FABP12: variants seen among roughly 807,000 people sequenced by gnomAD.
FABP12 encodes the protein fatty acid-binding protein 12.
FABP12 carries 19 observed loss-of-function variants against 13.7 expected under a neutral mutation model. That is an observed-to-expected ratio of 1.39 (90% CI 0.97 to 2.04). The LOEUF (loss-of-function observed/expected upper bound fraction) is 2.04. Among genes scored for constraint, FABP12 ranks in the 30% most tolerant of loss-of-function variants. The probability of loss-of-function intolerance (pLI) is 0.00; values close to 1 mark genes in which losing one functional copy is unlikely to be tolerated. For missense variants in FABP12, 182 were observed against 164.2 expected (o/e 1.11, Z -0.59); for synonymous variants, 61 against 57.0 (o/e 1.07, Z -0.32).
At chr8:81,583,422 TAAAC>T (rs2130108149) in intron 1 of FABP12, among the ~76,000 whole-genome samples, 1 of 151,708 alleles carries the variant, frequency 6.6e-6, no homozygotes, top group East Asian at 1.9e-4. Flanking sequence ...TTTAAAAAGA[TAAAC>T]AAAATTAATA....
At chr8:81,568,124 C>G (rs1809862120) in intron 1 of FABP12, among the ~76,000 whole-genome samples, 1 of 136,892 alleles carries the variant, frequency 7.3e-6, no homozygotes, top group African/African-American at 2.7e-5. Flanking sequence ...AGCGAGACTC[C>G]GTCTCAAAAA....
chr8:81,548,728 G>T (rs1257628720), intron 1 of FABP12, among the ~76,000 whole-genome samples: 1 of 152,034 alleles, frequency 6.6e-6, no homozygotes, highest in African/African-American at 2.4e-5. Flanking sequence ...AGACATTTTT[G>T]GCAGATAAGA....
upstream of FABP12, among the ~76,000 whole-genome samples, chr8:81,538,917 C>T (rs1336748169): frequency 6.6e-6 from 1 of 152,054 alleles, no homozygotes; most frequent in Admixed American, 6.6e-5. Flanking sequence ...TGTGCAATAT[C>T]AGCTCACTGC....
chr8:81,567,747 G>C (rs1809853034), intron 1 of FABP12, among the ~76,000 whole-genome samples: 1 of 152,208 alleles, frequency 6.6e-6, no homozygotes, highest in Admixed American at 6.5e-5. Context: ...ACACTGGACT[G>C]AGCAAAGATC....
At chr8:81,534,006 C>A (rs77555284), upstream of FABP12, among the ~76,000 whole-genome samples, 80 of 152,226 alleles carry the variant, frequency 5.3e-4, no homozygotes, top group East Asian at 0.014. Flanking sequence ...ATTAGGCACT[C>A]TGTTTTAATA....
At chr8:81,532,279 A>T (rs1425474959) in intron 1 of FABP12, among the ~76,000 whole-genome samples, 1 of 152,218 alleles carries the variant, frequency 6.6e-6, no homozygotes, top group Non-Finnish European at 1.5e-5. Flanking sequence ...GCAGAGCTTG[A>T]TGTCCATAGG....
At chr8:81,529,591 C>T (rs374791812) in exon 3 of FABP12, 4 of 1,613,624 alleles carry the variant, frequency 2.5e-6, no homozygotes, top group Non-Finnish European at 3.4e-6. Context: ...GGCCCAGTTT[C>T]CTGCTGGCTC....
chr8:81,589,139 C>T (rs1349624030), intron 1 of FABP12, among the ~76,000 whole-genome samples: 3 of 152,166 alleles, frequency 2.0e-5, no homozygotes, highest in East Asian at 1.9e-4. Flanking sequence ...CAAATCATGC[C>T]GCCTTCCCGA....
chr8:81,554,736 C>T (rs1010677213), intron 1 of FABP12, among the ~76,000 whole-genome samples: 2 of 151,778 alleles, frequency 1.3e-5, no homozygotes, highest in Admixed American at 6.6e-5. Flanking sequence ...TTCCCTGGGC[C>T]CCATTGAAAG....
intron 1 of FABP12, among the ~76,000 whole-genome samples, chr8:81,568,737 T>C (rs1809872467): frequency 2.0e-5 from 3 of 152,188 alleles, no homozygotes. Context: ...TAAGTGTCCA[T>C]CAATGCACAA....
At chr8:81,543,986 A>G (rs1695167992) in intron 1 of FABP12, among the ~76,000 whole-genome samples, 1 of 152,218 alleles carries the variant, frequency 6.6e-6, no homozygotes, top group Non-Finnish European at 1.5e-5. Context: ...CAGGAAGTTG[A>G]CTAAACAGAT....
chr8:81,541,165 CA>C (rs35883271), intron 1 of FABP12, among the ~76,000 whole-genome samples: 2,131 of 91,298 alleles, frequency 0.023, 46 homozygotes, highest in Admixed American at 0.12. Flanking sequence ...GACTCTGTCT[CA>C]AAAAAAAAAA....
At chr8:81,559,037 C>G (rs1809670947) in intron 1 of FABP12, among the ~76,000 whole-genome samples, 1 of 152,110 alleles carries the variant, frequency 6.6e-6, no homozygotes. Context: ...CAGCCAAACA[C>G]AAACTTGATC....
Position 81,574,191 on chromosome 8 carries a change from T to C in FABP12, c.-185+15862A>G, listed in dbSNP as rs186236170. ...ATGCTGGATTTTGTAGAATGCTTTT[T>C]CTGCATCTACTGAGATGATCATGTG... is the stretch of plus-strand genomic sequence containing the variant. On this transcript the variant is annotated intron_variant, in intron 1 of 5. Coordinates refer to the FABP12 transcript ENST00000692030. 2.4e-3 allele frequency among the ~76,000 whole-genome samples: 362 copies of C among 152,324 alleles called. 3 individuals are homozygous for C. Among genetic ancestry groups the C allele is most frequent in the Admixed American group, 0.014 (214 of 15,298 alleles).
intron 1 of FABP12, among the ~76,000 whole-genome samples, chr8:81,567,380 G>A (rs933694135): frequency 1.3e-5 from 2 of 152,110 alleles, no homozygotes; most frequent in African/African-American, 2.4e-5. Flanking sequence ...GAACAAAACT[G>A]AAGGAATCAC....
At chr8:81,531,345 C>A in exon 2 of FABP12, 3 of 1,517,326 alleles carry the variant, frequency 2.0e-6, no homozygotes, top group Non-Finnish European at 2.7e-6. Flanking sequence ...TCTCAAAGAA[C>A]AGTAGTTTCA....
intron 1 of FABP12, among the ~76,000 whole-genome samples, chr8:81,544,753 C>A (rs1455362588): frequency 6.6e-6 from 1 of 152,086 alleles, no homozygotes; most frequent in Non-Finnish European, 1.5e-5. Flanking sequence ...AAGACCCAAT[C>A]CCAGACCTCA....
chr8:81,568,479 C>T (rs1809868372), intron 1 of FABP12, among the ~76,000 whole-genome samples: 1 of 152,132 alleles, frequency 6.6e-6, no homozygotes, highest in Admixed American at 6.5e-5. Flanking sequence ...CAGGCAATAA[C>T]AAATGCTGGT....
At chr8:81,550,855 A>G (rs1233567061) in intron 1 of FABP12, among the ~76,000 whole-genome samples, 1 of 152,206 alleles carries the variant, frequency 6.6e-6, no homozygotes, top group Non-Finnish European at 1.5e-5. Context: ...CAGGAATAAC[A>G]TGATTCTTTT....
Sources: allele counts gnomAD v4.1 joint callset (sites outside exome capture counted in the v4.1 genomes callset), GRCh38; gene constraint gnomAD v4.1.1; transcripts MANE v1.5; gene names NCBI Gene and HGNC (gene_info 2026-07-23, HGNC 2026-07-21).